ASB2: variants seen among roughly 807,000 people sequenced by gnomAD.
ASB2 encodes ankyrin repeat and SOCS box containing 2, also known as ankyrin repeat and SOCS box protein 2.
A neutral mutation model predicts 62.4 loss-of-function variants in ASB2; 58 were observed. That is an observed-to-expected ratio of 0.93 (90% confidence interval 0.75 to 1.16). The LOEUF (loss-of-function observed/expected upper bound fraction) is 1.16. Ranked by LOEUF, ASB2 falls within the 50% of genes most tolerant of loss-of-function variation. ASB2 has a pLI of 0.00. For synonymous variants in ASB2, 386 were observed against 385.3 expected (o/e 1.00, Z -0.02); for missense variants, 928 against 887.9 (o/e 1.05, Z -0.57).
chr14:93,969,110 G>A (rs1364617307), intron 1 of ASB2, among the ~76,000 whole-genome samples: 1 of 152,238 alleles, frequency 6.6e-6, no homozygotes, highest in Non-Finnish European at 1.5e-5. Context: ...GTTATTATGG[G>A]GTTGGTGGTA....
chr14:93,937,568 T>C, intron 9 of ASB2, 130 bp downstream of exon 9: 1 of 920,190 alleles, frequency 1.1e-6, no homozygotes, highest in Non-Finnish European at 1.6e-6. Context: ...TCATGTTTCA[T>C]CCAAGGAGTT....
At chr14:93,974,620 G>A (rs1033675246) in intron 1 of ASB2, among the ~76,000 whole-genome samples, 5 of 152,220 alleles carry the variant, frequency 3.3e-5, no homozygotes, top group Non-Finnish European at 5.9e-5. Context: ...TACCTTGAGA[G>A]GCCACAGGAC....
chr14:93,945,784 C>A (rs574317172), intron 7 of ASB2, among the ~76,000 whole-genome samples: 3 of 152,140 alleles, frequency 2.0e-5, no homozygotes, highest in African/African-American at 4.8e-5. Context: ...GGCTCTGAAG[C>A]CTTGAGTCTT....
Position 93,939,555 on chromosome 14 carries a change from G to T in ASB2, c.1170C>A (p.Ser390Arg). The change falls in exon 8 of 10, where the codon AGC becomes AGA. Residue 390 changes from serine (S) to arginine (R), a missense_variant. Transcript: ENST00000555019. Reference sequence around the variant, plus strand: ...GCGGCGTGTTCACGTCGAAGCGCGCGCTCAGCAGCGCCTCCAGCACCTCGT... The same window carrying T: ...GCGGCGTGTTCACGTCGAAGCGCGCTCTCAGCAGCGCCTCCAGCACCTCGT... ...NHDEVLEALL[S>R]ARFDVNTPLA... is the part of the protein sequence containing the mutation. The T allele has an allele frequency of 6.3e-7, 1 of 1,593,992 alleles. No individual in the cohort carries two copies. The highest frequency in any genetic ancestry group is 1.1e-5 in the South Asian group (1 of 89,558).
chr14:93,957,429 G>T (rs574288545), intron 2 of ASB2: 2 of 988,856 alleles, frequency 2.0e-6, no homozygotes, highest in Admixed American at 1.1e-4. Flanking sequence ...CCTCTATAGT[G>T]TTATTATAGG....
At chr14:93,965,827 C>G (rs527670848) in intron 1 of ASB2, among the ~76,000 whole-genome samples, 8 of 152,354 alleles carry the variant, frequency 5.3e-5, no homozygotes, top group Middle Eastern at 6.8e-3. Flanking sequence ...GTCAAGGATA[C>G]ACATGACAAG....
At chr14:93,967,230 C>T (rs1324267348) in intron 1 of ASB2, among the ~76,000 whole-genome samples, 1 of 152,234 alleles carries the variant, frequency 6.6e-6, no homozygotes, top group African/African-American at 2.4e-5. Flanking sequence ...GCCTGGCTTC[C>T]CACTCCTTTG....
chr14:93,943,901 G>A (rs1888625391), intron 7 of ASB2: 1 of 454,702 alleles, frequency 2.2e-6, no homozygotes, highest in South Asian at 1.6e-5. Context: ...AGAATTTCAA[G>A]TGGCTTGCAA....
intron 7 of ASB2, among the ~76,000 whole-genome samples, chr14:93,943,727 T>C (rs932235268): frequency 2.6e-5 from 4 of 152,240 alleles, no homozygotes; most frequent in Admixed American, 1.3e-4. Flanking sequence ...CCAACACTTC[T>C]GAGCTTCACT....
At chr14:93,956,088 C>T (rs1889188792) in intron 3 of ASB2, among the ~76,000 whole-genome samples, 1 of 152,174 alleles carries the variant, frequency 6.6e-6, no homozygotes, top group South Asian at 2.1e-4. Flanking sequence ...TGAGGAAATG[C>T]AGTTCCAGTG....
In ASB2 at chr14:93,951,023, C is replaced by T. The variant is rs374926674; in HGVS notation, c.856G>A (p.Ala286Thr). 6.8e-6 allele frequency: 11 copies of T among 1,613,864 alleles called. No homozygotes were observed. The highest frequency in any genetic ancestry group is 5.3e-5 in the African/African-American group (4 of 74,940). The change falls in exon 6 of 10, where the codon GCC becomes ACC. Residue 286 changes from alanine (A) to threonine (T), a missense_variant. Transcript: ENST00000555019. ...FVAAQSGQLE[A>T]LRFLAKYGAD... ...CCGTACTTGGCTAAGAACCTCAAGG[C>T]CTCCAACTGTCCACTCTGGGCGGCC...
chr14:93,943,853 A>T (rs775401806), intron 7 of ASB2: 22 of 427,570 alleles, frequency 5.1e-5, no homozygotes, highest in South Asian at 3.3e-4. Flanking sequence ...TTTTTAATTT[A>T]ATGTGTTAAG....
At chr14:93,969,409 T>C (rs996789936) in intron 1 of ASB2, among the ~76,000 whole-genome samples, 1 of 152,234 alleles carries the variant, frequency 6.6e-6, no homozygotes, top group African/African-American at 2.4e-5. Flanking sequence ...GAATAGTAGT[T>C]TCTCCATCTG....
At chr14:93,937,886 T>C (rs1888332680) in intron 8 of ASB2, 35 bp from the exon 9 acceptor site, 2 of 1,567,820 alleles carry the variant, frequency 1.3e-6, no homozygotes, top group Non-Finnish European at 1.7e-6. Context: ...AGAAGTGAGT[T>C]CATCCCACCT....
chr14:93,960,982 A>AATAAATAAATAAATAT (rs1889389124), intron 2 of ASB2, among the ~76,000 whole-genome samples: 1 of 150,418 alleles, frequency 6.6e-6, no homozygotes. Context: ...TAAATAAATA[A>AATAAATAAATAAATAT]ATAAACAGTA....
chr14:93,962,107 CTTTTTTTTTTTT>C (rs35800977), intron 2 of ASB2, among the ~76,000 whole-genome samples: 37 of 73,002 alleles, frequency 5.1e-4, no homozygotes, highest in South Asian at 1.2e-3. Context: ...ATTAAACATT[CTTTTTTTTTTTT>C]TTTTTTTTTT....
chr14:93,962,674 C>T (rs1889453975), intron 2 of ASB2, among the ~76,000 whole-genome samples: 1 of 152,148 alleles, frequency 6.6e-6, no homozygotes, highest in African/African-American at 2.4e-5. Context: ...TGCCGAGGGC[C>T]CACTTCTTTC....
chr14:93,971,600 C>A (rs1194044148), intron 1 of ASB2, among the ~76,000 whole-genome samples: 1 of 152,204 alleles, frequency 6.6e-6, no homozygotes, highest in Non-Finnish European at 1.5e-5. Context: ...CCATGTGTCA[C>A]CCTCAGGTCA....
chr14:93,949,546 C>T (rs1888871044), intron 6 of ASB2, among the ~76,000 whole-genome samples: 1 of 152,230 alleles, frequency 6.6e-6, no homozygotes, highest in East Asian at 1.9e-4. Flanking sequence ...TGGGCAGAGG[C>T]CTTCGTCCTG....
Sources: allele counts gnomAD v4.1 joint callset (sites outside exome capture counted in the v4.1 genomes callset), GRCh38; gene constraint gnomAD v4.1.1; transcripts MANE v1.5; gene names NCBI Gene and HGNC (gene_info 2026-07-23, HGNC 2026-07-21).